Variants in SURF4 observed in about 807,000 individuals in gnomAD.
SURF4 encodes the protein surfeit 4.
In SURF4, 3 loss-of-function variants were observed where a neutral mutation model predicts 30.0. That is an observed-to-expected ratio of 0.10 (90% confidence interval 0.05 to 0.26). The LOEUF is 0.26. Ranked by LOEUF, SURF4 falls within the 10% of genes least tolerant of loss-of-function variation. The probability of loss-of-function intolerance (pLI) is 1.00; values close to 1 mark genes in which losing one functional copy is unlikely to be tolerated. For missense variants in SURF4, 217 were observed against 350.8 expected (o/e 0.62, Z 3.05); for synonymous variants, 143 against 139.9 (o/e 1.02, Z -0.16).
chr9:133,376,277 C>T (rs1588729241), upstream of SURF4: 42 of 1,315,944 alleles, frequency 3.2e-5, no homozygotes, highest in South Asian at 4.3e-5. Context: ...GCGCGCAGGC[C>T]CTGCGGTCCC....
intron 1 of SURF4, chr9:133,372,646 CTT>C (rs925973067): frequency 1.7e-5 from 17 of 985,440 alleles, no homozygotes; most frequent in South Asian, 4.7e-5. Context: ...CAGTTTTGCT[CTT>C]GTTTTCTGAA....
chr9:133,363,858 C>CA lies in SURF4; in HGVS notation c.544-100_544-99insT. 1.4e-6 allele frequency: 2 copies of CA among 1,457,930 alleles called. No individual in the cohort carries two copies. The highest frequency in any genetic ancestry group is 1.9e-6 in the Non-Finnish European group (2 of 1,050,362). 90.3% of individuals were successfully genotyped at this position (1,457,930 alleles called of 1,614,324 possible). A position where few individuals can be genotyped will look rare whatever the true frequency, so the allele number is the denominator to read the frequency against. On this transcript the variant is annotated intron_variant, in intron 5 of 5. Transcript: ENST00000371989. The surrounding 1 kb of genome is among the most constrained non-coding windows in gnomAD (Gnocchi z 4.3). The stretch of plus-strand genomic sequence containing the variant: ...CTGCTGCACGTCATGAAGTCTCTAT[C>CA]CATCAGGCTGATGTAGCTACTGCTG...
Position 133,375,911 on chromosome 9 carries a change from G to T in SURF4, c.48+11C>A. ...GGGACCGGGGCCGGGGGAGGAGCCC[G>T]CAGGCCGCACCTGGTCGGCGAAGTC... On this transcript the variant is annotated intron_variant, in intron 1 of 5. Coordinates refer to ENST00000371989, the MANE Select transcript of SURF4 (RefSeq NM_033161.4). The T allele has an allele frequency of 8.2e-7, 1 of 1,224,974 alleles. No individual in the cohort carries two copies. The allele number at this position is 1,224,974 out of a possible 1,614,324, so 75.9% of individuals were successfully genotyped here.
intron 1 of SURF4, among the ~76,000 whole-genome samples, chr9:133,372,419 C>T (rs2130197188): frequency 2.6e-5 from 4 of 152,362 alleles, no homozygotes; most frequent in East Asian, 1.9e-4. Flanking sequence ...CAAGCCAGTG[C>T]GGCCAGCCAA....
chr9:133,365,088 C>T, intron 4 of SURF4, 62 bp from the exon 5 acceptor site: 1 of 1,426,806 alleles, frequency 7.0e-7, no homozygotes. Flanking sequence ...GTCTGTGAGA[C>T]CAGGTGCAGG....
intron 1 of SURF4, among the ~76,000 whole-genome samples, chr9:133,374,654 G>C (rs1043740792): frequency 1.3e-5 from 2 of 152,200 alleles, no homozygotes; most frequent in South Asian, 4.1e-4. Flanking sequence ...GCTTCGTCAA[G>C]TTGATTACTT....
intron 1 of SURF4, chr9:133,372,545 C>G: frequency 1.0e-6 from 1 of 959,714 alleles, no homozygotes; most frequent in Non-Finnish European, 1.2e-6. Context: ...ATGTCATTGT[C>G]ATAATACTGG....
rs2130086816 is a variant in SURF4, at chr9:133,363,472, G to A, written c.*21C>T. 1 of 1,614,262 alleles carries A rather than the reference G, an allele frequency of 6.2e-7. No homozygotes were observed. Among genetic ancestry groups the A allele is most frequent in the Admixed American group, 1.7e-5 (1 of 60,030 alleles). On this transcript the variant is annotated 3_prime_UTR_variant, in exon 6 of 6. Transcript: ENST00000371989. The surrounding 1 kb of genome is among the most constrained non-coding windows in gnomAD (Gnocchi z 4.3). ...CTTGACGGCCACGGGTCTTAGCCAGGCAGGTAGGGATCTGTGACTGTTACC... is the reference window on the plus strand; with the variant it reads ...CTTGACGGCCACGGGTCTTAGCCAGACAGGTAGGGATCTGTGACTGTTACC...
chr9:133,368,384 T>C (rs1837301900), intron 1 of SURF4, among the ~76,000 whole-genome samples: 1 of 152,226 alleles, frequency 6.6e-6, no homozygotes, highest in African/African-American at 2.4e-5. Flanking sequence ...ATGTGTGCTG[T>C]TGCAAACCAG....
chr9:133,363,564 C>T lies in SURF4; in HGVS notation c.739G>A (p.Gly247Arg), dbSNP rs2130088301. ...AGGGCCACCACCAGGAGCAAGCCCC[C>T]AATCACCGACATGGTCTGGAAGAAG... is the stretch of plus-strand genomic sequence containing the variant. Reference protein sequence around the residue: ...YDFFQTMSVIGGLLLVVALGP... With the variant: ...YDFFQTMSVIRGLLLVVALGP... Residue 247 changes from glycine (G) to arginine (R), a missense_variant, in exon 6 of 6, where the codon GGG becomes AGG. Coordinates refer to ENST00000371989, the MANE Select transcript of SURF4 (RefSeq NM_033161.4). The surrounding 1 kb of genome is among the most constrained non-coding windows in gnomAD (Gnocchi z 4.3). The T allele has an allele frequency of 6.2e-7, 1 of 1,614,188 alleles. No individual in the cohort carries two copies. Among genetic ancestry groups the T allele is most frequent in the Non-Finnish European group, 8.5e-7 (1 of 1,180,038 alleles).
intron 1 of SURF4, among the ~76,000 whole-genome samples, chr9:133,371,397 C>T (rs1564367300): frequency 6.6e-6 from 1 of 152,254 alleles, no homozygotes; most frequent in Non-Finnish European, 1.5e-5. Flanking sequence ...TCCCATGCTG[C>T]TCTATAGGTT....
intron 1 of SURF4, among the ~76,000 whole-genome samples, chr9:133,374,217 A>AAAAGGTTT (rs1837708150): frequency 6.6e-6 from 1 of 152,150 alleles, no homozygotes; most frequent in South Asian, 2.1e-4. Flanking sequence ...TAAAAGGTCT[A>AAAAGGTTT]CCTGGTTCTT....
At chr9:133,368,423 C>T (rs888305118) in intron 1 of SURF4, among the ~76,000 whole-genome samples, 1 of 152,270 alleles carries the variant, frequency 6.6e-6, no homozygotes, top group African/African-American at 2.4e-5. Context: ...CGACGGAGCT[C>T]TCCCCTGCAA....
chr9:133,377,440 C>A (rs587640017), upstream of SURF4, among the ~76,000 whole-genome samples: 1 of 152,180 alleles, frequency 6.6e-6, no homozygotes, highest in Non-Finnish European at 1.5e-5. Context: ...CCAAGGCGGG[C>A]GGATCACCTG....
Position 133,363,902 on chromosome 9 carries a change from G to A in SURF4, c.544-143C>T. On this transcript the variant is annotated intron_variant, in intron 5 of 5. Coordinates refer to ENST00000371989, the MANE Select transcript of SURF4 (RefSeq NM_033161.4). This position sits in a 1 kb window ranked among gnomAD's most constrained non-coding sequence, Gnocchi z 4.3. ...ACTGCTGAGACGGCTGCTGGTGCAA[G>A]TAGGGAGATAAAAGCCAAAGGGAGG... The A allele has an allele frequency of 9.4e-7, 1 of 1,068,466 alleles. No individual in the cohort carries two copies. The highest frequency in any genetic ancestry group is 1.4e-6 in the Non-Finnish European group (1 of 704,980). 66.2% of individuals were successfully genotyped at this position (1,068,466 alleles called of 1,614,324 possible). A position where few individuals can be genotyped will look rare whatever the true frequency, so the allele number is the denominator to read the frequency against.
chr9:133,373,792 C>T (rs149285570), intron 1 of SURF4, among the ~76,000 whole-genome samples: 4 of 150,166 alleles, frequency 2.7e-5, no homozygotes, highest in East Asian at 2.0e-4. Flanking sequence ...TGGTGGCAGG[C>T]GCCTGTAATC....
chr9:133,375,909 C>A lies in SURF4; in HGVS notation c.48+13G>T. 1 of 1,225,000 alleles carries A rather than the reference C, an allele frequency of 8.2e-7. No homozygotes were observed. 75.9% of individuals were successfully genotyped at this position (1,225,000 alleles called of 1,614,324 possible). On this transcript the variant is annotated intron_variant, in intron 1 of 5. Transcript: ENST00000371989. The stretch of plus-strand genomic sequence containing the variant: ...TCGGGACCGGGGCCGGGGGAGGAGC[C>A]CGCAGGCCGCACCTGGTCGGCGAAG...
chr9:133,364,758 G>T, intron 5 of SURF4, 82 bp downstream of exon 5: 1 of 1,412,692 alleles, frequency 7.1e-7, no homozygotes, highest in South Asian at 1.2e-5. Context: ...TACCCAACCA[G>T]GGAGGGGTGA....
At chr9:133,364,458 A>G (rs2130102973) in intron 5 of SURF4, among the ~76,000 whole-genome samples, 27 of 152,320 alleles carry the variant, frequency 1.8e-4, no homozygotes, top group African/African-American at 6.3e-4. Flanking sequence ...TGGGAGGCTG[A>G]GACAGGCAGA....
Sources: gnomAD v4.1 joint callset for allele counts (sites outside exome capture counted in the v4.1 genomes callset) on GRCh38, gnomAD v4.1.1 for gene constraint, Gnocchi (gnomAD v3.1) non-coding constraint, MANE v1.5 for transcripts, NCBI Gene and HGNC (gene_info 2026-07-23, HGNC 2026-07-21) for gene names.